The following RPF2 variants were observed in gnomAD, a reference collection of about 807,000 sequenced individuals.
RPF2 encodes ribosome production factor 2 homolog, also known as brix domain containing 1.
A neutral mutation model predicts 38.9 loss-of-function variants in RPF2; 21 were observed. The observed-to-expected ratio is 0.54, with a 90% confidence interval of 0.38 to 0.78. RPF2 has a LOEUF of 0.78. Ranked by LOEUF, RPF2 falls within the 30% of genes least tolerant of loss-of-function variation. RPF2 has a pLI of 0.00. For missense variants in RPF2, 314 were observed against 358.1 expected (o/e 0.88, Z 0.99); for synonymous variants, 121 against 126.2 (o/e 0.96, Z 0.28).
chr6:110,988,930 C>T, intron 2 of RPF2, 98 bp from the exon 3 acceptor site: 1 of 1,445,076 alleles, frequency 6.9e-7, no homozygotes. Flanking sequence ...GATTGAGGCC[C>T]CAGAGCAATC....
chr6:111,016,683 C>CTTTTTTTTTTTTTTT (rs1397812113), intron 8 of RPF2, among the ~76,000 whole-genome samples: 6 of 105,936 alleles, frequency 5.7e-5, no homozygotes, highest in Admixed American at 9.0e-5. Flanking sequence ...TTTTTTTTTT[C>CTTTTTTTTTTTTTTT]TTTCTTTTTT....
At chr6:111,022,954 A>G (rs918273052) in intron 8 of RPF2, among the ~76,000 whole-genome samples, 4 of 152,256 alleles carry the variant, frequency 2.6e-5, no homozygotes, top group African/African-American at 9.6e-5. Flanking sequence ...ACTGGAGTGC[A>G]GTGGCGCGAT....
chr6:111,019,548 C>T (rs1772191346), intron 8 of RPF2, among the ~76,000 whole-genome samples: 2 of 152,136 alleles, frequency 1.3e-5, no homozygotes, highest in Admixed American at 1.3e-4. Context: ...ACCAGCCTGG[C>T]CAACATGGCA....
rs1011144532 is a variant in RPF2 at position 110,999,846 on chromosome 6, A to T, written c.393+59A>T. 2.0e-5 allele frequency: 19 copies of T among 941,870 alleles called. No homozygotes were observed. The African/African-American group carries it at 3.1e-4, about 15-fold the overall frequency. 58.3% of individuals were successfully genotyped at this position (941,870 alleles called of 1,614,324 possible). On this transcript the variant is annotated intron_variant, in intron 6 of 9. Coordinates refer to ENST00000441448, the MANE Select transcript of RPF2 (RefSeq NM_032194.3). ...AATGCTTCTCTTGACCAGTAGTGAC[A>T]TCTTGTGGTGAAGAGTACTGATAGA...
At chr6:111,007,013 C>T (rs911804926) in intron 6 of RPF2, among the ~76,000 whole-genome samples, 1 of 152,052 alleles carries the variant, frequency 6.6e-6, no homozygotes, top group African/African-American at 2.4e-5. Flanking sequence ...TGCACTCCAG[C>T]CTGGGCAGCA....
intron 3 of RPF2, among the ~76,000 whole-genome samples, chr6:110,991,353 C>T (rs3851218): frequency 0.11 from 16,045 of 148,858 alleles, 977 homozygotes; most frequent in Middle Eastern, 0.17. Context: ...TGCAGTGGCA[C>T]GATCATATTT....
Position 111,028,156 on chromosome 6 carries a change from T to A in RPF2, c.*2574T>A. Reference sequence around the variant, plus strand: ...TTGGGTTTCTTTTTTTTTGTTTTTTTAAAATTAAGTGCTGTTTGTTTTCTT... The same window carrying A: ...TTGGGTTTCTTTTTTTTTGTTTTTTAAAAATTAAGTGCTGTTTGTTTTCTT... On this transcript the variant is annotated 3_prime_UTR_variant, in exon 10 of 10. Transcript: ENST00000441448. The A allele has an allele frequency of 6.6e-6, 1 of 152,288 alleles. No individual in the cohort carries two copies. Among genetic ancestry groups the A allele is most frequent in the African/African-American group, 2.4e-5 (1 of 41,586 alleles). 9.4% of individuals were successfully genotyped at this position (152,288 alleles called of 1,614,324 possible).
chr6:110,985,525 G>A (rs1771509395), intron 2 of RPF2, among the ~76,000 whole-genome samples: 1 of 152,182 alleles, frequency 6.6e-6, no homozygotes, highest in Non-Finnish European at 1.5e-5. Context: ...CTGTGCCTCT[G>A]CTGGGAATTA....
In RPF2 at chr6:111,006,130, C is replaced by T. The variant is rs539068004; in HGVS notation, c.394-1908C>T. On this transcript the variant is annotated intron_variant, in intron 6 of 9. Transcript: ENST00000441448. Reference sequence around the variant, plus strand: ...CTGTTTTGTATTTTTTTGTAGAGACCGTGTCTCCCAGGCTGGTCTCAAACT... The same window carrying T: ...CTGTTTTGTATTTTTTTGTAGAGACTGTGTCTCCCAGGCTGGTCTCAAACT... Among the ~76,000 whole-genome samples the T allele has an allele frequency of 4.6e-4, 69 of 151,500 alleles. 1 individual carries two copies. Among genetic ancestry groups the T allele is most frequent in the African/African-American group, 1.1e-3 (44 of 41,350 alleles).
chr6:110,999,211 GTC>G (rs1771771056), intron 5 of RPF2, among the ~76,000 whole-genome samples: 1 of 152,018 alleles, frequency 6.6e-6, no homozygotes, highest in South Asian at 2.1e-4. Context: ...TGCATTGAGT[GTC>G]TCTGAGCTCC....
chr6:111,016,540 T>C (rs1772111538), intron 8 of RPF2, among the ~76,000 whole-genome samples: 1 of 149,998 alleles, frequency 6.7e-6, no homozygotes, highest in Non-Finnish European at 1.5e-5. Context: ...GAAGTTGCAG[T>C]GAGCCATGAT....
intron 6 of RPF2, among the ~76,000 whole-genome samples, chr6:111,006,488 C>T (rs1196932313): frequency 6.6e-6 from 1 of 152,100 alleles, no homozygotes; most frequent in Admixed American, 6.6e-5. Context: ...AGCCCCGTCT[C>T]TGCCTCTGAA....
Position 111,004,429 on chromosome 6 carries a change from A to C in RPF2, c.394-3609A>C, listed in dbSNP as rs369245065. On this transcript the variant is annotated intron_variant, in intron 6 of 9. Transcript: ENST00000441448. ...AAACTCCTGACCTTGTGATCCACCCACCTCGGCCTCCCAGAGTGCTAGGAT... is the reference window on the plus strand; with the variant it reads ...AAACTCCTGACCTTGTGATCCACCCCCCTCGGCCTCCCAGAGTGCTAGGAT... Among the ~76,000 whole-genome samples the C allele has an allele frequency of 1.4e-4, 22 of 151,886 alleles. No individual in the cohort carries two copies. In the East Asian group the frequency reaches 2.5e-3, roughly 17 times the overall value.
At chr6:110,988,980 CT>C in intron 2 of RPF2, 47 bp from the exon 3 acceptor site, 1 of 1,575,454 alleles carries the variant, frequency 6.3e-7, no homozygotes, top group South Asian at 1.2e-5. Context: ...TTTATTTCTG[CT>C]TTTCAGAATG....
In RPF2 at chr6:111,026,371, CT is replaced by C. The variant is rs113875773; in HGVS notation, c.*800del. On this transcript the variant is annotated 3_prime_UTR_variant, in exon 10 of 10. Transcript: ENST00000441448. ...TACAGGCATGAGCCACTGAGCCCTA[CT>C]TTTTTTTTTTAAAGCAATGAGGTCT... 29 of 147,848 alleles carry C rather than the reference CT, an allele frequency of 2.0e-4. No individual in the cohort carries two copies. Among genetic ancestry groups the C allele is most frequent in the Admixed American group, 2.7e-4 (4 of 14,734 alleles). The allele number at this position is 147,848 out of a possible 1,614,324, so 9.2% of individuals were successfully genotyped here. A position where few individuals can be genotyped will look rare whatever the true frequency, so the allele number is the denominator to read the frequency against.
rs1265973489 is a variant in RPF2 at position 111,027,636 on chromosome 6, G to A, written c.*2054G>A. 2.6e-5 allele frequency: 4 copies of A among 152,326 alleles called. No homozygotes were observed. In the East Asian group the frequency reaches 7.7e-4, roughly 29 times the overall value. 9.4% of individuals were successfully genotyped at this position (152,326 alleles called of 1,614,324 possible). On this transcript the variant is annotated 3_prime_UTR_variant, in exon 10 of 10. Transcript: ENST00000441448. ...CCAATCTTAACCCAAAGATGGCCAT[G>A]ATTTCTGTATGTGAGACGTCTTAAG... is the stretch of plus-strand genomic sequence containing the variant.
chr6:111,013,979 A>G (rs1424419029), intron 7 of RPF2, among the ~76,000 whole-genome samples: 1 of 152,044 alleles, frequency 6.6e-6, no homozygotes, highest in Non-Finnish European at 1.5e-5. Context: ...CGTACATAAT[A>G]TATGTATAAA....
intron 6 of RPF2, among the ~76,000 whole-genome samples, chr6:111,000,762 G>A (rs1771799205): frequency 6.6e-6 from 1 of 152,020 alleles, no homozygotes. Flanking sequence ...TTTCTTTTTT[G>A]TATAGATTGG....
chr6:111,022,289 G>A (rs990353623), intron 8 of RPF2, among the ~76,000 whole-genome samples: 5 of 152,316 alleles, frequency 3.3e-5, no homozygotes, highest in South Asian at 2.1e-4. Context: ...TTGAACAGTA[G>A]TGGTAATGTC....
Sources: allele counts gnomAD v4.1 joint callset (sites outside exome capture counted in the v4.1 genomes callset), GRCh38; gene constraint gnomAD v4.1.1; transcripts MANE v1.5; gene names NCBI Gene and HGNC (gene_info 2026-07-23, HGNC 2026-07-21).